ISM1: variants seen among roughly 807,000 people sequenced by gnomAD.
ISM1 encodes isthmin 1, also known as isthmin-1.
In ISM1, 25 loss-of-function variants were observed where a neutral mutation model predicts 46.3. The observed-to-expected ratio is 0.54, with a 90% CI of 0.39 to 0.75. The LOEUF (loss-of-function observed/expected upper bound fraction) is 0.75. ISM1 is among the 30% of genes least tolerant of loss of function. The pLI, the probability that ISM1 is intolerant of heterozygous loss-of-function variation, is 0.00. For missense variants in ISM1, 536 were observed against 625.4 expected, an observed-to-expected ratio of 0.86 and a Z score of 1.52; for synonymous variants, 255 against 256.7, an observed-to-expected ratio of 0.99 and a Z score of 0.06.
intron 1 of ISM1, among the ~76,000 whole-genome samples, chr20:13,229,940 C>T (rs1031861038): frequency 1.3e-5 from 2 of 152,170 alleles, no homozygotes; most frequent in Non-Finnish European, 2.9e-5. Context: ...AAGAGGTAAA[C>T]GCCACCTTGG....
At chr20:13,319,943 G>A in the ISM1 span, among the ~76,000 whole-genome samples, 4 of 152,182 alleles carry the variant, frequency 2.6e-5, no homozygotes, top group African/African-American at 9.7e-5. Context: ...AGCACCACCA[G>A]CATGACACAG....
the ISM1 span, among the ~76,000 whole-genome samples, chr20:13,313,225 A>G: frequency 1.3e-5 from 2 of 152,308 alleles, no homozygotes; most frequent in Non-Finnish European, 2.9e-5. Context: ...CCAGAATTTA[A>G]CACTCCATCC....
chr20:13,290,526 G>A (rs2040341356), intron 4 of ISM1, among the ~76,000 whole-genome samples: 1 of 152,130 alleles, frequency 6.6e-6, no homozygotes, highest in African/African-American at 2.4e-5. Context: ...GCGGGCGCCT[G>A]TAGTCCCAGC....
intron 1 of ISM1, among the ~76,000 whole-genome samples, chr20:13,257,794 G>GTGGGCCAGTGTTCT (rs899635640): frequency 6.6e-6 from 1 of 151,976 alleles, no homozygotes; most frequent in African/African-American, 2.4e-5. Context: ...ACAGTGTACT[G>GTGGGCCAGTGTTCT]TGGGCCAGTG....
downstream of ISM1, among the ~76,000 whole-genome samples, chr20:13,301,161 C>A (rs754386172): frequency 3.3e-5 from 5 of 152,088 alleles, no homozygotes; most frequent in Non-Finnish European, 7.4e-5. Context: ...TGACACAATT[C>A]TATTCTTATG....
the ISM1 span, among the ~76,000 whole-genome samples, chr20:13,319,121 G>A: frequency 6.6e-6 from 1 of 152,214 alleles, no homozygotes; most frequent in South Asian, 2.1e-4. Context: ...TATGGGGGCA[G>A]GGGATATTTG....
At chr20:13,281,408 G>A (rs1464391273) in intron 3 of ISM1, among the ~76,000 whole-genome samples, 1 of 152,164 alleles carries the variant, frequency 6.6e-6, no homozygotes, top group Non-Finnish European at 1.5e-5. Context: ...AGGAAAGACG[G>A]GATAATAGCC....
intron 1 of ISM1, among the ~76,000 whole-genome samples, chr20:13,246,997 A>G (rs2039801844): frequency 6.6e-6 from 1 of 152,084 alleles, no homozygotes; most frequent in Non-Finnish European, 1.5e-5. Flanking sequence ...GCACTTTGGG[A>G]GGCTGAGGCG....
At chr20:13,253,593 C>T (rs545652483) in intron 1 of ISM1, among the ~76,000 whole-genome samples, 3 of 152,228 alleles carry the variant, frequency 2.0e-5, no homozygotes, top group Non-Finnish European at 1.5e-5. Context: ...CGCCAGGAGG[C>T]CTTGCTCAAA....
At chr20:13,306,930 A>G in the ISM1 span, among the ~76,000 whole-genome samples, 1 of 152,278 alleles carries the variant, frequency 6.6e-6, no homozygotes, top group South Asian at 2.1e-4. Flanking sequence ...GGGATCCTAG[A>G]GAGTGGAGCC....
the ISM1 span, among the ~76,000 whole-genome samples, chr20:13,312,825 A>T: frequency 6.6e-6 from 1 of 152,188 alleles, no homozygotes; most frequent in Non-Finnish European, 1.5e-5. Context: ...CATGATCACA[A>T]GAGTAGATCC....
intron 1 of ISM1, among the ~76,000 whole-genome samples, chr20:13,261,556 AC>A (rs1375202672): frequency 1.1e-4 from 17 of 152,154 alleles, no homozygotes; most frequent in Non-Finnish European, 2.5e-4. Flanking sequence ...AGGTGCAATA[AC>A]TTACCAAAGC....
intron 1 of ISM1, among the ~76,000 whole-genome samples, chr20:13,230,488 C>G (rs994537013): frequency 7.2e-5 from 11 of 152,150 alleles, no homozygotes; most frequent in African/African-American, 2.7e-4. Flanking sequence ...TATTATTTCT[C>G]TCTCATCTTC....
downstream of ISM1, among the ~76,000 whole-genome samples, chr20:13,302,329 T>A (rs904311263): frequency 7.9e-5 from 12 of 152,204 alleles, no homozygotes; most frequent in African/African-American, 2.9e-4. Flanking sequence ...CTCCCATGCA[T>A]CATCAGATGG....
Position 13,222,002 on chromosome 20 carries a change from G to A in ISM1, c.138+88G>A, listed in dbSNP as rs961897759. 16 of 1,195,132 alleles carry A rather than the reference G, an allele frequency of 1.3e-5. 1 individual carries two copies. In the East Asian group the frequency reaches 5.2e-4, roughly 39 times the overall value. 74.0% of individuals were successfully genotyped at this position (1,195,132 alleles called of 1,614,324 possible). ...TGAGCTAGTGCCGGGTGGATGCAGGGAGGCAGGTCCCCTGCCCCACCTAAG... is the reference window on the plus strand; with the variant it reads ...TGAGCTAGTGCCGGGTGGATGCAGGAAGGCAGGTCCCCTGCCCCACCTAAG... On this transcript the variant is annotated intron_variant, in intron 1 of 5. Transcript: ENST00000262487.
At chr20:13,306,564 C>CAAAAAACAAA in the ISM1 span, among the ~76,000 whole-genome samples, 1 of 63,914 alleles carries the variant, frequency 1.6e-5, no homozygotes, top group Non-Finnish European at 2.6e-5. Flanking sequence ...GGAGAAAGGA[C>CAAAAAACAAA]AAAAAAAAAA....
intron 1 of ISM1, among the ~76,000 whole-genome samples, chr20:13,244,979 T>C (rs1235092585): frequency 6.6e-6 from 1 of 152,228 alleles, no homozygotes; most frequent in Non-Finnish European, 1.5e-5. Flanking sequence ...GAGAGGTTTC[T>C]TTTTATAAAA....
chr20:13,308,410 C>G, the ISM1 span, among the ~76,000 whole-genome samples: 3 of 151,874 alleles, frequency 2.0e-5, no homozygotes, highest in Admixed American at 1.3e-4. Flanking sequence ...CTTGGCAAGG[C>G]GATGAGGAAA....
chr20:13,268,360 CT>C, intron 1 of ISM1, among the ~76,000 whole-genome samples: 1 of 36,768 alleles, frequency 2.7e-5, no homozygotes, highest in African/African-American at 2.2e-4. Context: ...CTCTCTCTCT[CT>C]CTCTCTCTCT....
Sources: allele counts gnomAD v4.1 joint callset (sites outside exome capture counted in the v4.1 genomes callset), GRCh38; gene constraint gnomAD v4.1.1; transcripts MANE v1.5; gene names NCBI Gene and HGNC (gene_info 2026-07-23, HGNC 2026-07-21).